ADARB2: variants seen among roughly 807,000 people sequenced by gnomAD.
ADARB2 encodes the protein adenosine deaminase RNA specific B2 (inactive), also known as inactive double-stranded RNA-specific editase B2.
In ADARB2, 25 loss-of-function variants were observed where a neutral mutation model predicts 62.2. That is an observed-to-expected ratio of 0.40 (90% CI 0.29 to 0.56). The LOEUF is 0.56. ADARB2 is among the 20% of genes least tolerant of loss of function. ADARB2 has a pLI of 0.43. For synonymous variants in ADARB2, 572 were observed against 500.8 expected (o/e 1.14, Z -1.90); for missense variants, 1,071 against 1,077.4 (o/e 0.99, Z 0.08).
At chr10:1,195,943 C>T (rs962732941) in intron 8 of ADARB2, among the ~76,000 whole-genome samples, 2 of 152,182 alleles carry the variant, frequency 1.3e-5, no homozygotes, top group African/African-American at 4.8e-5. Flanking sequence ...GGGAACCAAA[C>T]AGCAGCCTGA....
At position 1,271,135 on chromosome 10, in the gene ADARB2, T is replaced by C. The variant is rs553906304; in HGVS notation, c.1078-66A>G. 2.3e-6 allele frequency: 3 copies of C among 1,312,768 alleles called. No homozygotes were observed. In the South Asian group the frequency reaches 3.7e-5, roughly 16 times the overall value. 81.3% of individuals were successfully genotyped at this position (1,312,768 alleles called of 1,614,324 possible). A position where few individuals can be genotyped will look rare whatever the true frequency, so the allele number is the denominator to read the frequency against. On this transcript the variant is annotated intron_variant, in intron 3 of 9. Coordinates refer to ENST00000381312, the MANE Select transcript of ADARB2 (RefSeq NM_018702.4). Reference sequence around the variant, plus strand: ...GGTGCCGTGGAGGATGATGGGGCACTGTCCTCCCCGTCCTCACAGCCTCAT... The same window carrying C: ...GGTGCCGTGGAGGATGATGGGGCACCGTCCTCCCCGTCCTCACAGCCTCAT...
intron 1 of ADARB2, among the ~76,000 whole-genome samples, chr10:1,693,855 A>G (rs10903541): frequency 0.77 from 117,842 of 152,180 alleles, 46,054 homozygotes; most frequent in East Asian, 0.95. Flanking sequence ...TAAATAATCA[A>G]TTAGGGCATT....
At chr10:1,203,611 C>G (rs1230940568) in intron 7 of ADARB2, among the ~76,000 whole-genome samples, 4 of 151,990 alleles carry the variant, frequency 2.6e-5, no homozygotes, top group African/African-American at 4.8e-5. Flanking sequence ...TCTGGCTCCC[C>G]CAAGGATTTT....
At chr10:1,315,877 A>C (rs930319414) in intron 3 of ADARB2, among the ~76,000 whole-genome samples, 1 of 152,272 alleles carries the variant, frequency 6.6e-6, no homozygotes, top group Non-Finnish European at 1.5e-5. Context: ...AAAGATTTAA[A>C]ATGTCTTGAA....
At chr10:1,576,046 G>GC (rs199717549) in intron 1 of ADARB2, among the ~76,000 whole-genome samples, 3 of 49,974 alleles carry the variant, frequency 6.0e-5, no homozygotes, top group African/African-American at 2.7e-4. Context: ...CGGCGGGGGG[G>GC]TCAGGGTCAC....
intron 1 of ADARB2, among the ~76,000 whole-genome samples, chr10:1,532,922 C>T (rs1832268086): frequency 1.3e-5 from 2 of 152,128 alleles, no homozygotes; most frequent in African/African-American, 4.8e-5. Flanking sequence ...CTCGCCTCAC[C>T]TGCGGGCATC....
At chr10:1,314,764 G>C (rs1008523895) in intron 3 of ADARB2, among the ~76,000 whole-genome samples, 3 of 152,158 alleles carry the variant, frequency 2.0e-5, no homozygotes, top group Non-Finnish European at 4.4e-5. Flanking sequence ...AGCAACAAAA[G>C]TGCTCCCGGA....
chr10:1,277,770 C>T (rs947766763), intron 3 of ADARB2, among the ~76,000 whole-genome samples: 5 of 152,164 alleles, frequency 3.3e-5, no homozygotes, highest in Non-Finnish European at 7.3e-5. Context: ...CAGCATCATC[C>T]TGATACCAAA....
chr10:1,728,884 G>C (rs1275473158), intron 1 of ADARB2, among the ~76,000 whole-genome samples: 4 of 152,208 alleles, frequency 2.6e-5, no homozygotes, highest in Non-Finnish European at 5.9e-5. Context: ...GTATCACTCA[G>C]GGCTGTCAAA....
intron 1 of ADARB2, among the ~76,000 whole-genome samples, chr10:1,592,071 T>G (rs897986742): frequency 1.3e-5 from 2 of 152,206 alleles, no homozygotes; most frequent in South Asian, 2.1e-4. Flanking sequence ...CCTGTCAGGG[T>G]GGGATCCCTT....
chr10:1,578,595 C>T (rs555206225), intron 1 of ADARB2, among the ~76,000 whole-genome samples: 134 of 152,030 alleles, frequency 8.8e-4, no homozygotes, highest in African/African-American at 2.6e-3. Flanking sequence ...GCTGTCGGGC[C>T]GGGTACCCAA....
At chr10:1,617,951 G>A (rs536807615) in intron 1 of ADARB2, among the ~76,000 whole-genome samples, 1 of 152,230 alleles carries the variant, frequency 6.6e-6, no homozygotes, top group Non-Finnish European at 1.5e-5. Flanking sequence ...TCCAACTACA[G>A]ATTTCCCTGA....
rs536138130 is a variant in ADARB2, at chr10:1,526,779, C to A, written c.101-147619G>T. ...ACGGACTGAGCCGGATGACATGAAG[C>A]AGCTGTTCCCGCCTCCTCCTGGCAC... On this transcript the variant is annotated intron_variant, in intron 1 of 9. Coordinates refer to ENST00000381312, the MANE Select transcript of ADARB2 (RefSeq NM_018702.4). 21 of 496,612 alleles carry A rather than the reference C, an allele frequency of 4.2e-5. 1 individual carries two copies. The East Asian group carries it at 4.8e-4, about 11-fold the overall frequency. 30.8% of individuals were successfully genotyped at this position (496,612 alleles called of 1,614,324 possible).
At chr10:1,421,484 C>T (rs762588024) in intron 1 of ADARB2, among the ~76,000 whole-genome samples, 6 of 152,048 alleles carry the variant, frequency 3.9e-5, no homozygotes, top group African/African-American at 1.4e-4. Context: ...TTATTCTTCT[C>T]TAGATTCTCT....
At chr10:1,488,896 T>A (rs375093071) in intron 1 of ADARB2, among the ~76,000 whole-genome samples, 3 of 152,188 alleles carry the variant, frequency 2.0e-5, no homozygotes, top group African/African-American at 7.2e-5. Flanking sequence ...CAGGATGAGA[T>A]GGGAACACAT....
intron 1 of ADARB2, among the ~76,000 whole-genome samples, chr10:1,643,638 C>G (rs1446893161): frequency 2.0e-5 from 3 of 152,200 alleles, no homozygotes; most frequent in Non-Finnish European, 4.4e-5. Context: ...TGCTGCGAAG[C>G]GCGTCAGAAC....
chr10:1,280,582 CGCTCCGTGAAATTCCTGAGTGAT>C (rs1564245264), intron 3 of ADARB2, among the ~76,000 whole-genome samples: 34 of 128,678 alleles, frequency 2.6e-4, no homozygotes, highest in Admixed American at 5.1e-4. Flanking sequence ...TCCTAAGTGA[CGCTCCGTGAAATTCCTGAGTGAT>C]GCTCCGTGAA....
At chr10:1,664,776 G>A (rs1834294087) in intron 1 of ADARB2, among the ~76,000 whole-genome samples, 1 of 152,182 alleles carries the variant, frequency 6.6e-6, no homozygotes, top group Admixed American at 6.5e-5. Context: ...CTGACTCTGG[G>A]GGCCCTGCCA....
In ADARB2 at chr10:1,185,088, C is replaced by T. The variant is rs761865215; in HGVS notation, c.1865-49G>A. The stretch of plus-strand genomic sequence containing the variant: ...GGGCGTTAATATTCCTGGCCTCACA[C>T]GGGGCTCCCCCAAGGGCAGCTGCGG... On this transcript the variant is annotated intron_variant, in intron 8 of 9. Transcript: ENST00000381312. 9.7e-5 allele frequency: 152 copies of T among 1,573,972 alleles called. 1 individual carries two copies. Among genetic ancestry groups the T allele is most frequent in the East Asian group, 4.3e-4 (19 of 44,236 alleles).
Sources: gnomAD v4.1 joint callset for allele counts (sites outside exome capture counted in the v4.1 genomes callset) on GRCh38, gnomAD v4.1.1 for gene constraint, MANE v1.5 for transcripts, NCBI Gene and HGNC (gene_info 2026-07-23, HGNC 2026-07-21) for gene names.